SAMD13: variants seen among roughly 807,000 people sequenced by gnomAD.
SAMD13 encodes sterile alpha motif domain containing 13, also known as sterile alpha motif domain-containing protein 13.
SAMD13 carries 9 observed loss-of-function variants against 12.4 expected under a neutral mutation model. The ratio of observed to expected loss-of-function variants is 0.72; its 90% CI spans 0.44 to 1.26. The LOEUF (loss-of-function observed/expected upper bound fraction) is 1.26. Among genes scored for constraint, SAMD13 ranks in the 50% most tolerant of loss-of-function variants. The pLI is 0.00. For synonymous variants in SAMD13, 46 were observed against 45.4 expected, an observed-to-expected ratio of 1.01 and a Z score of -0.05; for missense variants, 84 against 119.6, an observed-to-expected ratio of 0.70 and a Z score of 1.39.
At chr1:84,335,930 G>A (rs1004436006) in intron 3 of SAMD13, among the ~76,000 whole-genome samples, 2 of 152,122 alleles carry the variant, frequency 1.3e-5, no homozygotes, top group African/African-American at 4.8e-5. Context: ...AGCCTGATGG[G>A]GTTCCATTTG....
upstream of SAMD13, chr1:84,301,544 C>T: frequency 2.2e-6 from 2 of 899,436 alleles, no homozygotes; most frequent in Non-Finnish European, 2.7e-6. Flanking sequence ...ACTAATTGTG[C>T]TGAAGGTAGT....
At chr1:84,299,102 G>T (rs1019563824), upstream of SAMD13, among the ~76,000 whole-genome samples, 1 of 152,060 alleles carries the variant, frequency 6.6e-6, no homozygotes, top group East Asian at 1.9e-4. Flanking sequence ...CCCCTGAGAC[G>T]CCATTCCCGG....
intron 3 of SAMD13, among the ~76,000 whole-genome samples, chr1:84,334,174 A>T (rs1023623754): frequency 5.3e-5 from 8 of 152,018 alleles, no homozygotes; most frequent in African/African-American, 1.9e-4. Flanking sequence ...CTGTAAATCC[A>T]TCTGGTCCTG....
In SAMD13 at chr1:84,313,631, T is replaced by C. The variant is rs553037206; in HGVS notation, c.53+10344T>C. On this transcript the variant is annotated intron_variant, in intron 2 of 3. Transcript: ENST00000394834. ...CCTTTTCAACAGGAAGCAGTTTATTTCCCTACCACCACCATGCCCCCGAGC... is the reference window on the plus strand; with the variant it reads ...CCTTTTCAACAGGAAGCAGTTTATTCCCCTACCACCACCATGCCCCCGAGC... 6.6e-5 allele frequency among the ~76,000 whole-genome samples: 10 copies of C among 152,208 alleles called. No homozygotes were observed. In the South Asian group the frequency reaches 2.1e-3, roughly 32 times the overall value.
upstream of SAMD13, among the ~76,000 whole-genome samples, chr1:84,300,069 C>G (rs570491595): frequency 1.3e-5 from 2 of 152,120 alleles, no homozygotes; most frequent in Non-Finnish European, 2.9e-5. Context: ...CCCCAAGACA[C>G]AGAACTCCCA....
chr1:84,298,759 G>A (rs1678370765), upstream of SAMD13, among the ~76,000 whole-genome samples: 1 of 152,128 alleles, frequency 6.6e-6, no homozygotes, highest in African/African-American at 2.4e-5. Context: ...AGTGGAGTGG[G>A]GGCAGAAGCG....
chr1:84,343,080 A>G (rs1255602684), intron 3 of SAMD13, among the ~76,000 whole-genome samples: 1 of 152,192 alleles, frequency 6.6e-6, no homozygotes, highest in East Asian at 1.9e-4. Flanking sequence ...AGAAGACATT[A>G]GTGCAGCCAA....
At chr1:84,328,722 C>G (rs1165920119) in intron 3 of SAMD13, among the ~76,000 whole-genome samples, 1 of 152,172 alleles carries the variant, frequency 6.6e-6, no homozygotes, top group East Asian at 1.9e-4. Context: ...TTGGTTAGCA[C>G]CCACTCATCA....
chr1:84,319,581 G>A (rs1302798303), intron 2 of SAMD13, among the ~76,000 whole-genome samples: 2 of 149,790 alleles, frequency 1.3e-5, no homozygotes, highest in East Asian at 3.9e-4. Flanking sequence ...GCTGCAATGA[G>A]CTGAGATCCC....
chr1:84,318,892 G>T (rs2101799591), intron 2 of SAMD13, among the ~76,000 whole-genome samples: 1 of 152,168 alleles, frequency 6.6e-6, no homozygotes, highest in South Asian at 2.1e-4. Context: ...TTTTTCCATT[G>T]CAAATAACTG....
intron 2 of SAMD13, among the ~76,000 whole-genome samples, chr1:84,314,253 G>A (rs1353430656): frequency 6.6e-6 from 1 of 151,952 alleles, no homozygotes; most frequent in Non-Finnish European, 1.5e-5. Flanking sequence ...GATCAGTCAG[G>A]TCTCCATCTC....
chr1:84,313,471 A>G (rs1198537049), intron 2 of SAMD13, among the ~76,000 whole-genome samples: 5 of 151,964 alleles, frequency 3.3e-5, no homozygotes, highest in Admixed American at 2.0e-4. Context: ...TGAGAATTCA[A>G]TTTTTTTTCC....
chr1:84,338,338 C>T (rs1679347358), intron 3 of SAMD13, among the ~76,000 whole-genome samples: 1 of 151,360 alleles, frequency 6.6e-6, no homozygotes, highest in African/African-American at 2.4e-5. Context: ...GGAGGCCTCA[C>T]AACCATGGAG....
At chr1:84,333,214 A>G (rs966512388) in intron 3 of SAMD13, among the ~76,000 whole-genome samples, 5 of 152,114 alleles carry the variant, frequency 3.3e-5, no homozygotes, top group Non-Finnish European at 5.9e-5. Context: ...TTCCATATGA[A>G]TGTTAGAATA....
intron 3 of SAMD13, among the ~76,000 whole-genome samples, chr1:84,347,979 G>C (rs187673294): frequency 1.8e-3 from 273 of 152,282 alleles, no homozygotes; most frequent in Middle Eastern, 0.01. Context: ...GACATTTTGT[G>C]TTCTGGTAGC....
At chr1:84,310,436 T>C (rs1256184327) in intron 2 of SAMD13, among the ~76,000 whole-genome samples, 1 of 152,162 alleles carries the variant, frequency 6.6e-6, no homozygotes, top group Non-Finnish European at 1.5e-5. Flanking sequence ...CATCCTGGGC[T>C]GCATGGAACC....
In SAMD13 at chr1:84,346,257, T is replaced by C. The variant is rs188533007; in HGVS notation, c.166-3374T>C. Among the ~76,000 whole-genome samples, 446 of 152,334 alleles carry C rather than the reference T, an allele frequency of 2.9e-3. 1 individual carries two copies. Among genetic ancestry groups the C allele is most frequent in the Middle Eastern group, 6.8e-3 (2 of 294 alleles). Reference sequence around the variant, plus strand: ...GAGCTATAATATCTATGAATCCTACTCATTTATTTTTAAATCTAGATTCTT... The same window carrying C: ...GAGCTATAATATCTATGAATCCTACCCATTTATTTTTAAATCTAGATTCTT... On this transcript the variant is annotated intron_variant, in intron 3 of 3. Coordinates refer to ENST00000394834, the MANE Select transcript of SAMD13 (RefSeq NM_001134663.2).
intron 3 of SAMD13, among the ~76,000 whole-genome samples, chr1:84,331,284 TCTGTGGA>T (rs1275845687): frequency 7.4e-6 from 1 of 135,938 alleles, no homozygotes; most frequent in African/African-American, 2.8e-5. Context: ...AAATCCAGGT[TCTGTGGA>T]GCCTAAAGTT....
chr1:84,344,061 G>A (rs1272068038), intron 3 of SAMD13, among the ~76,000 whole-genome samples: 1 of 143,086 alleles, frequency 7.0e-6, no homozygotes, highest in African/African-American at 2.6e-5. Context: ...TCAGGTTTTT[G>A]TTTTTTGTTT....
Sources: gnomAD v4.1 joint callset for allele counts (sites outside exome capture counted in the v4.1 genomes callset) on GRCh38, gnomAD v4.1.1 for gene constraint, MANE v1.5 for transcripts, NCBI Gene and HGNC (gene_info 2026-07-23, HGNC 2026-07-21) for gene names.